Variants in DAAM1 observed in about 807,000 individuals in gnomAD.
DAAM1 encodes the protein dishevelled associated activator of morphogenesis 1.
A neutral mutation model predicts 130.0 loss-of-function variants in DAAM1; 52 were observed. The ratio of observed to expected loss-of-function variants is 0.40; its 90% CI spans 0.32 to 0.50. The LOEUF is 0.50. DAAM1 is among the 20% of genes least tolerant of loss of function. DAAM1 has a pLI of 0.61. For synonymous variants in DAAM1, 452 were observed against 444.5 expected, an observed-to-expected ratio of 1.02 and a Z score of -0.21; for missense variants, 1,134 against 1,303.8, an observed-to-expected ratio of 0.87 and a Z score of 2.01.
At position 59,315,272 on chromosome 14, in the gene DAAM1, C is replaced by A. The variant is rs200242388; in HGVS notation, c.274-8C>A. On this transcript the variant is annotated splice_polypyrimidine_tract_variant and splice_region_variant and intron_variant, in intron 3 of 24. Coordinates refer to ENST00000360909, the MANE Select transcript of DAAM1 (RefSeq NM_001270520.2). ...GGTGGTATGTCACTTTTTTTCCCCC[C>A]TTTTTAGGACCAGGAAGAAAACAAG... 16 of 1,613,664 alleles carry A rather than the reference C, an allele frequency of 9.9e-6. No individual in the cohort carries two copies. In the East Asian group the frequency reaches 3.3e-4, roughly 34 times the overall value.
intron 3 of DAAM1, among the ~76,000 whole-genome samples, chr14:59,298,724 A>C (rs758514012): frequency 7.9e-5 from 12 of 152,194 alleles, no homozygotes; most frequent in Admixed American, 2.6e-4. Context: ...ACAAAAGGCA[A>C]TTGGTTTTTG....
intron 2 of DAAM1, among the ~76,000 whole-genome samples, chr14:59,268,330 T>C (rs1429157617): frequency 1.3e-5 from 2 of 152,354 alleles, no homozygotes; most frequent in African/African-American, 2.4e-5. Flanking sequence ...TGCATAGATA[T>C]ATGTTTTAAT....
At chr14:59,194,383 C>T (rs2349128) in intron 1 of DAAM1, among the ~76,000 whole-genome samples, 125,882 of 152,274 alleles carry the variant, frequency 0.83, 52,371 homozygotes, top group African/African-American at 0.92. Context: ...TGGAGCTCTC[C>T]TTTGCTGTAT....
Position 59,369,742 on chromosome 14 carries a change from A to G in DAAM1, c.*883A>G, listed in dbSNP as rs1173494673. 2 of 142,916 alleles carry G rather than the reference A, an allele frequency of 1.4e-5. No homozygotes were observed. The highest frequency in any genetic ancestry group is 3.0e-5 in the Non-Finnish European group (2 of 65,874). The allele number at this position is 142,916 out of a possible 1,614,324, so 8.9% of individuals were successfully genotyped here. A position where few individuals can be genotyped will look rare whatever the true frequency, so the allele number is the denominator to read the frequency against. ...CTTAAAGGAAGAATTCTCTGAAGGGATAAAGATTACTAAAAAAAAAAAAAA... is the reference window on the plus strand; with the variant it reads ...CTTAAAGGAAGAATTCTCTGAAGGGGTAAAGATTACTAAAAAAAAAAAAAA... On this transcript the variant is annotated 3_prime_UTR_variant, in exon 25 of 25. Coordinates refer to ENST00000360909, the MANE Select transcript of DAAM1 (RefSeq NM_001270520.2).
intron 1 of DAAM1, among the ~76,000 whole-genome samples, chr14:59,190,673 T>G (rs1158988835): frequency 6.6e-6 from 1 of 152,208 alleles, no homozygotes; most frequent in South Asian, 2.1e-4. Flanking sequence ...TACTCCACGT[T>G]GGGATTAACC....
At chr14:59,358,711 C>T (rs1886583736) in intron 20 of DAAM1, among the ~76,000 whole-genome samples, 2 of 151,992 alleles carry the variant, frequency 1.3e-5, no homozygotes, top group Admixed American at 1.3e-4. Context: ...GGCATGGTGG[C>T]TGGCGCCTGT....
chr14:59,228,359 T>C (rs1889004594), intron 1 of DAAM1, among the ~76,000 whole-genome samples: 1 of 152,152 alleles, frequency 6.6e-6, no homozygotes, highest in Non-Finnish European at 1.5e-5. Flanking sequence ...TCAGAAAATT[T>C]AGAAATGATA....
chr14:59,269,912 A>G (rs1361760421), intron 2 of DAAM1, among the ~76,000 whole-genome samples: 1 of 152,076 alleles, frequency 6.6e-6, no homozygotes, highest in Non-Finnish European at 1.5e-5. Context: ...GGGATTGGAG[A>G]TTCTGAGAGA....
intron 11 of DAAM1, 89 bp downstream of exon 11, chr14:59,326,737 G>A: frequency 1.3e-6 from 2 of 1,564,122 alleles, no homozygotes; most frequent in East Asian, 2.3e-5. Flanking sequence ...AGCTGGGAGA[G>A]CTGAAATGTT....
chr14:59,206,477 G>T (rs763082555), intron 1 of DAAM1, among the ~76,000 whole-genome samples: 1 of 152,130 alleles, frequency 6.6e-6, no homozygotes, highest in African/African-American at 2.4e-5. Context: ...GGGTTTTACC[G>T]TGTTAGCCAG....
At chr14:59,340,554 T>A (rs1885805109) in intron 16 of DAAM1, among the ~76,000 whole-genome samples, 1 of 152,236 alleles carries the variant, frequency 6.6e-6, no homozygotes, top group African/African-American at 2.4e-5. Context: ...GAAGGCTCTT[T>A]GTTTTATTTT....
rs1887023583 is a variant in DAAM1, at chr14:59,368,748, A to G, written c.3096A>G (p.Ser1032=). Residue 1032 remains serine, a synonymous_variant, in exon 25 of 25, where the codon TCA becomes TCG. Transcript: ENST00000360909. ...EFDDLVSALR[S]GEVFDKDLSK... The stretch of plus-strand genomic sequence containing the variant: ...ATGACCTTGTTTCAGCTTTACGCTC[A>G]GGAGAAGTGTTTGACAAAGACCTTT... 6.2e-7 allele frequency: 1 copy of G among 1,614,058 alleles called. No homozygotes were observed. The highest frequency in any genetic ancestry group is 8.5e-7 in the Non-Finnish European group (1 of 1,179,946).
chr14:59,355,297 T>C lies in DAAM1; in HGVS notation c.2489T>C (p.Leu830Pro). 6.2e-7 allele frequency: 1 copy of C among 1,613,988 alleles called. No individual in the cohort carries two copies. Among genetic ancestry groups the C allele is most frequent in the South Asian group, 1.1e-5 (1 of 91,042 alleles). ...GCATATGGATTCAAGATATCTAGCC[T>C]AAACAAAATTGCTGACACAAAATCC... ...GNAYGFKISS[L>P]NKIADTKSSI... is the part of the protein sequence containing the mutation. The change falls in exon 20 of 25, where the codon CTA becomes CCA. Residue 830 changes from leucine (L) to proline (P), a missense_variant. This residue lies in a region of DAAM1 where 644 missense variants were observed against 695.9 expected (regional missense o/e 0.93). Transcript: ENST00000360909.
chr14:59,354,607 A>G (rs1886406350), intron 19 of DAAM1, among the ~76,000 whole-genome samples: 1 of 152,086 alleles, frequency 6.6e-6, no homozygotes, highest in Non-Finnish European at 1.5e-5. Flanking sequence ...TAAAGGGAAG[A>G]TTTGAGGCTG....
At chr14:59,238,966 A>C (rs1392812166) in intron 1 of DAAM1, among the ~76,000 whole-genome samples, 1 of 152,204 alleles carries the variant, frequency 6.6e-6, no homozygotes, top group Non-Finnish European at 1.5e-5. Context: ...CAGAATATCG[A>C]AAAAAGGACA....
intron 3 of DAAM1, among the ~76,000 whole-genome samples, chr14:59,295,701 A>G (rs921830400): frequency 6.6e-6 from 1 of 152,154 alleles, no homozygotes; most frequent in African/African-American, 2.4e-5. Context: ...AAAAGAAACC[A>G]TCCATTTTCT....
At chr14:59,310,014 A>T (rs946112693) in intron 3 of DAAM1, among the ~76,000 whole-genome samples, 5 of 152,058 alleles carry the variant, frequency 3.3e-5, no homozygotes, top group Non-Finnish European at 7.4e-5. Context: ...TTTCTGTATA[A>T]ATTTTAGGTG....
At chr14:59,324,658 T>G (rs1407031483) in intron 8 of DAAM1, among the ~76,000 whole-genome samples, 1 of 152,236 alleles carries the variant, frequency 6.6e-6, no homozygotes, top group Non-Finnish European at 1.5e-5. Context: ...GAACTTAATG[T>G]GGGTTTTAGC....
intron 1 of DAAM1, among the ~76,000 whole-genome samples, chr14:59,247,921 A>G (rs532544868): frequency 3.3e-5 from 5 of 152,216 alleles, no homozygotes; most frequent in African/African-American, 4.8e-5. Flanking sequence ...CTCCTTTAAC[A>G]TACCAGAAAA....
Sources: allele counts gnomAD v4.1 joint callset (sites outside exome capture counted in the v4.1 genomes callset), GRCh38; gene constraint gnomAD v4.1.1; regional missense constraint gnomAD v4.1.1; transcripts MANE v1.5; gene names NCBI Gene and HGNC (gene_info 2026-07-23, HGNC 2026-07-21).